The following RBFOX3 variants were observed in gnomAD, a reference collection of about 807,000 sequenced individuals.
The protein encoded by RBFOX3 is RNA binding fox-1 homolog 3, also known as RNA binding protein fox-1 homolog 3.
Under a neutral mutation model 48.7 loss-of-function variants are expected in RBFOX3, and 17 were observed. The ratio of observed to expected loss-of-function variants is 0.35; its 90% CI spans 0.24 to 0.52. The LOEUF (loss-of-function observed/expected upper bound fraction) is 0.52. Among genes scored for constraint, RBFOX3 ranks in the 20% least tolerant of loss-of-function variants. The probability of loss-of-function intolerance (pLI) is 0.94; values close to 1 mark genes in which losing one functional copy is unlikely to be tolerated. For synonymous variants in RBFOX3, 212 were observed against 209.5 expected (o/e 1.01, Z -0.10); for missense variants, 382 against 497.5 (o/e 0.77, Z 2.21).
rs527465473 is a variant in RBFOX3 at position 79,388,208 on chromosome 17, C to T, written c.-174-80384G>A. Among the ~76,000 whole-genome samples the T allele has an allele frequency of 4.6e-5, 7 of 152,324 alleles. No homozygotes were observed. The South Asian group carries it at 8.3e-4, about 18-fold the overall frequency. On this transcript the variant is annotated intron_variant, in intron 2 of 14. Coordinates refer to ENST00000693108, the MANE Select transcript of RBFOX3 (RefSeq NM_001350451.2). ...CACAGACTGGGCCATAACTACGCAGCCCCCATGTGCTCCATGGGCTGTGAC... is the reference window on the plus strand; with the variant it reads ...CACAGACTGGGCCATAACTACGCAGTCCCCATGTGCTCCATGGGCTGTGAC...
intron 2 of RBFOX3, among the ~76,000 whole-genome samples, chr17:79,457,130 G>A (rs552657397): frequency 8.5e-4 from 129 of 152,230 alleles, no homozygotes; most frequent in Non-Finnish European, 1.6e-3. Context: ...GGCTCCTGGG[G>A]GCATGGCTGC....
At chr17:79,432,294 C>T (rs1598664316) in intron 2 of RBFOX3, among the ~76,000 whole-genome samples, 1 of 152,368 alleles carries the variant, frequency 6.6e-6, no homozygotes, top group Non-Finnish European at 1.5e-5. Flanking sequence ...TGCTTCCAAC[C>T]CTGTTGGGTG....
intron 4 of RBFOX3, among the ~76,000 whole-genome samples, chr17:79,134,027 A>G (rs2039593583): frequency 6.6e-6 from 1 of 152,208 alleles, no homozygotes; most frequent in Admixed American, 6.5e-5. Flanking sequence ...GGAACAGGAT[A>G]TTAAGCACAG....
intron 2 of RBFOX3, among the ~76,000 whole-genome samples, chr17:79,398,514 G>C (rs900922121): frequency 1.3e-5 from 2 of 152,124 alleles, no homozygotes; most frequent in Non-Finnish European, 2.9e-5. Flanking sequence ...ACCTCCTGGG[G>C]AGGGACACGT....
intron 2 of RBFOX3, among the ~76,000 whole-genome samples, chr17:79,430,574 TCTCA>T (rs1366599640): frequency 6.6e-6 from 1 of 152,226 alleles, no homozygotes; most frequent in Non-Finnish European, 1.5e-5. Flanking sequence ...TGAGACAGAG[TCTCA>T]CTGTGTCACC....
chr17:79,378,544 C>T (rs577670492), intron 2 of RBFOX3, among the ~76,000 whole-genome samples: 24 of 152,294 alleles, frequency 1.6e-4, no homozygotes, highest in African/African-American at 5.5e-4. Flanking sequence ...TGTTCACAGA[C>T]CCCAGGAAGC....
At chr17:79,296,057 G>A (rs556673148) in intron 3 of RBFOX3, among the ~76,000 whole-genome samples, 7 of 152,152 alleles carry the variant, frequency 4.6e-5, no homozygotes, top group African/African-American at 1.7e-4. Context: ...GTCAAGAAGG[G>A]GATAGAAGAG....
chr17:79,613,837 G>A (rs2145594258), upstream of RBFOX3, among the ~76,000 whole-genome samples: 1 of 152,274 alleles, frequency 6.6e-6, no homozygotes, highest in Non-Finnish European at 1.5e-5. Flanking sequence ...AGCCAGGTGT[G>A]GTTGTGGGTG....
chr17:79,495,537 T>TGGGGAGGTGGGGGAGGGGTGCAGAGGGG (rs2081341858), intron 1 of RBFOX3, among the ~76,000 whole-genome samples: 1 of 8,224 alleles, frequency 1.2e-4, no homozygotes, highest in Non-Finnish European at 2.4e-4. Flanking sequence ...GTGCAGAGGG[T>TGGGGAGGTGGGGGAGGGGTGCAGAGGGG]GGGGAGGTGG....
intron 1 of RBFOX3, among the ~76,000 whole-genome samples, chr17:79,608,188 G>C (rs1327040279): frequency 2.0e-5 from 3 of 152,198 alleles, no homozygotes; most frequent in Non-Finnish European, 4.4e-5. Context: ...CAGAGGCAGG[G>C]GCCGCCCATG....
chr17:79,435,830 T>A (rs983769598), intron 2 of RBFOX3, among the ~76,000 whole-genome samples: 7 of 152,190 alleles, frequency 4.6e-5, no homozygotes, highest in Admixed American at 1.3e-4. Context: ...CCAGCCACCT[T>A]GCACATCCCC....
intron 2 of RBFOX3, among the ~76,000 whole-genome samples, chr17:79,431,186 C>T (rs927594853): frequency 2.0e-5 from 3 of 152,108 alleles, no homozygotes; most frequent in Admixed American, 6.5e-5. Context: ...GAAATGGAAA[C>T]CTTAAACACG....
intron 2 of RBFOX3, among the ~76,000 whole-genome samples, chr17:79,424,305 C>T (rs567401327): frequency 7.2e-5 from 11 of 152,318 alleles, no homozygotes; most frequent in South Asian, 2.1e-4. Context: ...CAGGGGTGAG[C>T]GTCTCTCCCT....
intron 2 of RBFOX3, among the ~76,000 whole-genome samples, chr17:79,420,528 A>C (rs1300373119): frequency 6.6e-6 from 1 of 152,128 alleles, no homozygotes; most frequent in African/African-American, 2.4e-5. Context: ...GGCTCTGTCC[A>C]GCACCTAGGT....
At chr17:79,587,118 G>A (rs1459870924) in intron 1 of RBFOX3, among the ~76,000 whole-genome samples, 2 of 152,198 alleles carry the variant, frequency 1.3e-5, no homozygotes, top group Admixed American at 1.3e-4. Context: ...GTGGGCGCAA[G>A]GCAGAAAGGT....
chr17:79,633,598 G>GTT, the RBFOX3 span, among the ~76,000 whole-genome samples: 3 of 147,820 alleles, frequency 2.0e-5, no homozygotes, highest in African/African-American at 4.9e-5. Context: ...TCCAGCGGCT[G>GTT]TTTTTTTTTT....
chr17:79,517,461 A>AG (rs2085420485), intron 1 of RBFOX3, among the ~76,000 whole-genome samples: 2 of 149,822 alleles, frequency 1.3e-5, no homozygotes, highest in African/African-American at 4.9e-5. Context: ...AAAAAAAAAA[A>AG]CAAACAAAAA....
In RBFOX3 at chr17:79,090,649, C is replaced by T. The variant is rs1387947515; in HGVS notation, c.*234G>A. 23 of 532,098 alleles carry T rather than the reference C, an allele frequency of 4.3e-5. No individual in the cohort carries two copies. In the Middle Eastern group the frequency reaches 2.0e-3, roughly 47 times the overall value. 33.0% of individuals were successfully genotyped at this position (532,098 alleles called of 1,614,324 possible). A position where few individuals can be genotyped will look rare whatever the true frequency, so the allele number is the denominator to read the frequency against. ...TCCCACTGTGCTGCCAGCCAGGACG[C>T]GGTGGGGCCGTCCTGTCCTGGGGCC... is the stretch of plus-strand genomic sequence containing the variant. On this transcript the variant is annotated 3_prime_UTR_variant, in exon 15 of 15. Transcript: ENST00000693108.
chr17:79,646,593 G>C, the RBFOX3 span, among the ~76,000 whole-genome samples: 47 of 152,208 alleles, frequency 3.1e-4, no homozygotes, highest in East Asian at 9.1e-3. Flanking sequence ...GAACAATATG[G>C]GGGAAACTGC....
Sources: allele counts gnomAD v4.1 joint callset (sites outside exome capture counted in the v4.1 genomes callset), GRCh38; gene constraint gnomAD v4.1.1; transcripts MANE v1.5; gene names NCBI Gene and HGNC (gene_info 2026-07-23, HGNC 2026-07-21).